DOCK1: variants seen among roughly 807,000 people sequenced by gnomAD.
DOCK1 encodes the protein dedicator of cytokinesis 1, also known as dedicator of cytokinesis protein 1.
A neutral mutation model predicts 262.7 loss-of-function variants in DOCK1; 138 were observed. The observed-to-expected ratio is 0.53, with a 90% CI of 0.46 to 0.61. The LOEUF is 0.61. DOCK1 is among the 20% of genes least tolerant of loss of function. The pLI is 0.00. For synonymous variants in DOCK1, 866 were observed against 867.4 expected (o/e 1.00, Z 0.03); for missense variants, 1,908 against 2,370.7 (o/e 0.80, Z 4.05).
rs2134375276 is a variant in DOCK1, at chr10:127,409,186, T to C, written c.4264+8T>C. 2.5e-6 allele frequency: 4 copies of C among 1,613,692 alleles called. No homozygotes were observed. In the South Asian group the frequency reaches 4.4e-5, roughly 18 times the overall value. ...AAAACTCTCCTGGCCAGTGTATCCT[T>C]TAAGACAACCTCATCAACTCTGAAA... On this transcript the variant is annotated splice_region_variant and intron_variant, in intron 41 of 51. Transcript: ENST00000623213.
intron 49 of DOCK1, among the ~76,000 whole-genome samples, chr10:127,442,700 C>G (rs796088048): frequency 3.9e-5 from 6 of 152,320 alleles, no homozygotes; most frequent in African/African-American, 1.4e-4. Flanking sequence ...TAGCAAAAAT[C>G]CTTCAGCCAA....
At chr10:127,378,520 G>A (rs939443940) in intron 35 of DOCK1, among the ~76,000 whole-genome samples, 1 of 152,198 alleles carries the variant, frequency 6.6e-6, no homozygotes, top group Non-Finnish European at 1.5e-5. Flanking sequence ...GATTGGAGAT[G>A]AGTGTACTTC....
intron 23 of DOCK1, among the ~76,000 whole-genome samples, chr10:127,082,925 C>G (rs1401187568): frequency 2.0e-5 from 3 of 152,136 alleles, no homozygotes; most frequent in African/African-American, 7.2e-5. Flanking sequence ...TCTTTGTGAG[C>G]AGGGATCTTT....
chr10:127,089,799 C>T (rs2047410781), intron 23 of DOCK1, among the ~76,000 whole-genome samples: 1 of 152,216 alleles, frequency 6.6e-6, no homozygotes, highest in South Asian at 2.1e-4. Flanking sequence ...TCTTCCCCAA[C>T]TAGCTTTTCC....
chr10:126,908,837 G>A (rs1017917561), intron 1 of DOCK1, among the ~76,000 whole-genome samples: 11 of 152,118 alleles, frequency 7.2e-5, no homozygotes, highest in African/African-American at 2.7e-4. Flanking sequence ...ATGTCCCGAC[G>A]TCAATAAAAT....
At chr10:127,266,993 G>A (rs1008421394) in intron 29 of DOCK1, among the ~76,000 whole-genome samples, 3 of 152,188 alleles carry the variant, frequency 2.0e-5, no homozygotes, top group African/African-American at 4.8e-5. Flanking sequence ...TCTGGGGGCT[G>A]TGTTGGCCAT....
In DOCK1 at chr10:126,995,522, C is replaced by T. The variant is rs2040125732; in HGVS notation, c.474-1226C>T. 1.3e-5 allele frequency among the ~76,000 whole-genome samples: 2 copies of T among 152,216 alleles called. No homozygotes were observed. The highest frequency in any genetic ancestry group is 4.1e-4 in the South Asian group (2 of 4,832). On this transcript the variant is annotated intron_variant, in intron 6 of 51. Transcript: ENST00000623213. The surrounding 1 kb of genome is among the most constrained non-coding windows in gnomAD (Gnocchi z 5.8). Reference sequence around the variant, plus strand: ...AGGTGTGGCGGCGCGCGCCTGCAATCCCAGGCACTCCGCAGGCTGAGGCAG... The same window carrying T: ...AGGTGTGGCGGCGCGCGCCTGCAATTCCAGGCACTCCGCAGGCTGAGGCAG...
chr10:127,336,059 G>A (rs2063179519), intron 29 of DOCK1, among the ~76,000 whole-genome samples: 1 of 151,490 alleles, frequency 6.6e-6, no homozygotes, highest in Non-Finnish European at 1.5e-5. Context: ...CACCATGTTG[G>A]CCAGGCTGGT....
At chr10:127,031,584 C>A in intron 16 of DOCK1, 66 bp from the exon 17 acceptor site, 1 of 1,287,128 alleles carries the variant, frequency 7.8e-7, no homozygotes, top group Admixed American at 1.9e-5. Flanking sequence ...TTTGTAGCTT[C>A]TTATAATGTT....
chr10:127,037,591 A>G (rs563297502), intron 18 of DOCK1, 128 bp from the exon 19 acceptor site: 8 of 691,058 alleles, frequency 1.2e-5, no homozygotes, highest in East Asian at 1.1e-4. Flanking sequence ...TAGCAGGTGA[A>G]TCTTTTAAAA....
chr10:126,949,515 C>G (rs2035991316), intron 1 of DOCK1, among the ~76,000 whole-genome samples: 1 of 152,086 alleles, frequency 6.6e-6, no homozygotes, highest in Non-Finnish European at 1.5e-5. Flanking sequence ...ATTCCTTTTT[C>G]CCAGGGCATC....
rs527504320 is a variant in DOCK1 at position 127,446,254 on chromosome 10, A to G, written c.5414-1140A>G. 0.013 allele frequency among the ~76,000 whole-genome samples: 1,872 copies of G among 140,142 alleles called. 32 individuals are homozygous for G. Among genetic ancestry groups the G allele is most frequent in the African/African-American group, 0.04 (1,593 of 39,864 alleles). The allele number at this position is 140,142 out of a possible 152,430, so 91.9% of individuals were successfully genotyped here. ...GACACAGCGAGACTCCATCCCAAAC[A>G]AAAAGAAAAGAAAAAAAAAAAGAAA... is the stretch of plus-strand genomic sequence containing the variant. On this transcript the variant is annotated intron_variant, in intron 50 of 51. Transcript: ENST00000623213. This position sits in a 1 kb window ranked among gnomAD's most constrained non-coding sequence, Gnocchi z 4.4.
At chr10:127,251,065 C>A (rs529050431) in intron 28 of DOCK1, among the ~76,000 whole-genome samples, 2 of 151,866 alleles carry the variant, frequency 1.3e-5, no homozygotes, top group Non-Finnish European at 2.9e-5. Flanking sequence ...AGGGTTCAAG[C>A]GATTCTCCTG....
Position 127,050,358 on chromosome 10 carries a change from A to G in DOCK1, c.2202-2323A>G, listed in dbSNP as rs905042592. On this transcript the variant is annotated intron_variant, in intron 21 of 51. Coordinates refer to ENST00000623213, the MANE Select transcript of DOCK1 (RefSeq NM_001290223.2). Reference sequence around the variant, plus strand: ...AATTATAATAGATTTTCCAACTATTATATATAATAGATATTTCCAATAGAT... The same window carrying G: ...AATTATAATAGATTTTCCAACTATTGTATATAATAGATATTTCCAATAGAT... 1.5e-4 allele frequency among the ~76,000 whole-genome samples: 22 copies of G among 151,548 alleles called. No homozygotes were observed. The East Asian group carries it at 4.2e-3, about 29-fold the overall frequency.
At position 127,018,971 on chromosome 10, in the gene DOCK1, C is replaced by T. The variant is rs2135409465; in HGVS notation, c.1327+136C>T. The T allele has an allele frequency of 2.3e-6, 3 of 1,333,124 alleles. No individual in the cohort carries two copies. In the East Asian group the frequency reaches 7.5e-5, roughly 33 times the overall value. 82.6% of individuals were successfully genotyped at this position (1,333,124 alleles called of 1,614,324 possible). ...TCCTGGTAGGTGACCCTGTAAGCCC[C>T]AGCATGGTTATGGATCATGGGGCTG... is the stretch of plus-strand genomic sequence containing the variant. On this transcript the variant is annotated intron_variant, in intron 13 of 51. Coordinates refer to ENST00000623213, the MANE Select transcript of DOCK1 (RefSeq NM_001290223.2).
At chr10:127,292,800 C>T (rs529197372) in intron 29 of DOCK1, among the ~76,000 whole-genome samples, 1 of 152,282 alleles carries the variant, frequency 6.6e-6, no homozygotes, top group East Asian at 1.9e-4. Flanking sequence ...ATGTTTTGTG[C>T]TTCCCGAGGA....
chr10:127,353,006 C>T (rs1041051195), intron 31 of DOCK1, among the ~76,000 whole-genome samples: 2 of 152,188 alleles, frequency 1.3e-5, no homozygotes, highest in African/African-American at 4.8e-5. Context: ...GCCGATCCCA[C>T]TGTGAGCATT....
At chr10:127,395,289 C>T (rs1052936137) in intron 38 of DOCK1, among the ~76,000 whole-genome samples, 2 of 152,144 alleles carry the variant, frequency 1.3e-5, no homozygotes, top group Admixed American at 6.5e-5. Flanking sequence ...TGGAGAGGGC[C>T]CTCTGCCTGC....
At chr10:126,948,948 TG>T (rs2035903497) in intron 1 of DOCK1, among the ~76,000 whole-genome samples, 1 of 152,128 alleles carries the variant, frequency 6.6e-6, no homozygotes. Flanking sequence ...CCCCGCAAGC[TG>T]GGCTTTCAGA....
Sources: gnomAD v4.1 joint callset for allele counts (sites outside exome capture counted in the v4.1 genomes callset) on GRCh38, gnomAD v4.1.1 for gene constraint, Gnocchi (gnomAD v3.1) non-coding constraint, MANE v1.5 for transcripts, NCBI Gene and HGNC (gene_info 2026-07-23, HGNC 2026-07-21) for gene names.